The following MESD variants were observed in gnomAD, a reference collection of about 807,000 sequenced individuals.
MESD encodes LRP chaperone MESD.
Under a neutral mutation model 12.9 loss-of-function variants are expected in MESD, and 7 were observed. The ratio of observed to expected loss-of-function variants is 0.54; its 90% CI spans 0.31 to 1.02. MESD has a LOEUF of 1.02. MESD is among the 50% of genes least tolerant of loss of function. The probability of loss-of-function intolerance (pLI) is 0.05; values close to 1 mark genes in which losing one functional copy is unlikely to be tolerated. For synonymous variants in MESD, 126 were observed against 115.6 expected (o/e 1.09, Z -0.58); for missense variants, 342 against 296.7 (o/e 1.15, Z -1.12).
At chr15:80,982,239 G>A in intron 1 of MESD, 57 bp from the exon 2 acceptor site, 1 of 1,453,184 alleles carries the variant, frequency 6.9e-7, no homozygotes, top group Non-Finnish European at 9.6e-7. Flanking sequence ...TTTTCAACTG[G>A]CACAGGCAAA....
chr15:80,947,093 G>T (rs987676194), downstream of MESD: 3 of 1,464,156 alleles, frequency 2.0e-6, no homozygotes, highest in Non-Finnish European at 1.9e-6. Context: ...GGTTTAAACT[G>T]ACCCCAAAAC....
intron 1 of MESD, among the ~76,000 whole-genome samples, chr15:80,987,796 C>CTT (rs1374482879): frequency 1.3e-5 from 2 of 150,138 alleles, no homozygotes; most frequent in East Asian, 4.2e-4. Flanking sequence ...GCCAACCTGT[C>CTT]TTTTTACTAC....
chr15:80,963,731 CAT>C (rs1250591774), intron 3 of MESD, among the ~76,000 whole-genome samples: 3 of 152,156 alleles, frequency 2.0e-5, no homozygotes, highest in Admixed American at 6.5e-5. Context: ...ACAAAAACCA[CAT>C]GATTATCTCA....
In MESD at chr15:80,956,199, T is replaced by TAATAA. The variant is rs541746197; in HGVS notation, c.*289-3908_*289-3904dup. 1.4e-3 allele frequency among the ~76,000 whole-genome samples: 206 copies of TAATAA among 151,822 alleles called. 1 individual carries two copies. The highest frequency in any genetic ancestry group is 4.6e-3 in the African/African-American group (189 of 41,424). On this transcript the variant is annotated intron_variant, in intron 3 of 4. Transcript: ENST00000561312. ...AGTGAGATCCTGTCTAAAAAAATAA[T>TAATAA]AATAAAATAAAATAAAAAAGACCCT...
At chr15:80,961,740 AT>A (rs1403978312) in intron 3 of MESD, among the ~76,000 whole-genome samples, 1 of 152,240 alleles carries the variant, frequency 6.6e-6, no homozygotes, top group Non-Finnish European at 1.5e-5. Flanking sequence ...TTGGCTAAAT[AT>A]ACCATCACAA....
chr15:80,988,975 C>T (rs531956182), intron 1 of MESD, among the ~76,000 whole-genome samples: 1 of 152,336 alleles, frequency 6.6e-6, no homozygotes, highest in South Asian at 2.1e-4. Flanking sequence ...GAACAAAAAG[C>T]GTGAGTTTCA....
At chr15:80,969,112 GC>G (rs899378715) in intron 3 of MESD, among the ~76,000 whole-genome samples, 1 of 152,210 alleles carries the variant, frequency 6.6e-6, no homozygotes, top group African/African-American at 2.4e-5. Context: ...GACCACTTGA[GC>G]CTGGAGGTCG....
At chr15:80,946,994 G>C (rs552298321), downstream of MESD, 1 of 1,613,954 alleles carries the variant, frequency 6.2e-7, no homozygotes, top group African/African-American at 1.3e-5. Flanking sequence ...TCAAAGGGAA[G>C]ATACGTCTCC....
chr15:80,985,639 CTTTTTTTTT>C (rs11425497), intron 1 of MESD, among the ~76,000 whole-genome samples: 7 of 89,046 alleles, frequency 7.9e-5, no homozygotes, highest in Admixed American at 2.7e-4. Flanking sequence ...TCCCAAGCAG[CTTTTTTTTT>C]TTTTTTTTTT....
At chr15:80,951,411 CTTG>C (rs1260385858) in intron 4 of MESD, 1 of 152,544 alleles carries the variant, frequency 6.6e-6, no homozygotes, top group African/African-American at 2.4e-5. Context: ...AATTGTCCTC[CTTG>C]TTATTTCTGT....
downstream of MESD, among the ~76,000 whole-genome samples, chr15:80,973,976 C>T (rs759585127): frequency 2.6e-5 from 4 of 152,080 alleles, no homozygotes; most frequent in Non-Finnish European, 5.9e-5. Context: ...CAGCCTTTCC[C>T]TTCCTGAGGA....
chr15:80,975,998 ATTT>A lies in MESD; in HGVS notation c.*3218_*3220del, dbSNP rs1436019626. On this transcript the variant is annotated 3_prime_UTR_variant, in exon 3 of 3. Coordinates refer to ENST00000261758, the MANE Select transcript of MESD (RefSeq NM_015154.3). The stretch of plus-strand genomic sequence containing the variant: ...AAACAAATGACATTTCTCTTAAAAA[ATTT>A]TTGTTTCGTTTTTTTGAGACAGAGT... 3 of 152,140 alleles carry A rather than the reference ATTT, an allele frequency of 2.0e-5. No individual in the cohort carries two copies. Among genetic ancestry groups the A allele is most frequent in the Non-Finnish European group, 4.4e-5 (3 of 68,030 alleles). The allele number at this position is 152,140 out of a possible 1,614,324, so 9.4% of individuals were successfully genotyped here. A position where few individuals can be genotyped will look rare whatever the true frequency, so the allele number is the denominator to read the frequency against.
At chr15:80,948,929 A>G (rs370782965) in intron 4 of MESD, 1 of 1,614,128 alleles carries the variant, frequency 6.2e-7, no homozygotes, top group African/African-American at 1.3e-5. Flanking sequence ...TTGTGAGGAC[A>G]GCTGCCGCCC....
chr15:80,946,694 T>C (rs1596214928), downstream of MESD: 2 of 473,490 alleles, frequency 4.2e-6, no homozygotes, highest in East Asian at 4.1e-5. Flanking sequence ...GAGAGAGACA[T>C]GTAAACGCGG....
At chr15:80,969,013 A>G (rs1420862606) in intron 3 of MESD, among the ~76,000 whole-genome samples, 2 of 152,096 alleles carry the variant, frequency 1.3e-5, no homozygotes, top group African/African-American at 4.8e-5. Flanking sequence ...ACATAGGGAG[A>G]CCCTGTCTCT....
chr15:80,974,789 T>G (rs1044154853), downstream of MESD, among the ~76,000 whole-genome samples: 1 of 148,170 alleles, frequency 6.7e-6, no homozygotes, highest in Non-Finnish European at 1.5e-5. Context: ...CCTAGAAAAA[T>G]TACTAAATGT....
At chr15:80,974,926 C>CAGTCA (rs1369871530), downstream of MESD, among the ~76,000 whole-genome samples, 14 of 150,504 alleles carry the variant, frequency 9.3e-5, no homozygotes, top group Non-Finnish European at 1.5e-4. Flanking sequence ...TAAGAAAAAG[C>CAGTCA]AGTCATAAAG....
chr15:80,981,147 AT>A (rs1902564191), intron 2 of MESD, among the ~76,000 whole-genome samples: 1 of 151,794 alleles, frequency 6.6e-6, no homozygotes, highest in Non-Finnish European at 1.5e-5. Context: ...CATTAAAAAA[AT>A]CTAGATAGGC....
chr15:80,977,304 A>G lies in MESD; in HGVS notation c.*1915T>C, dbSNP rs1262205323. ...TCATACTTCTAACAGCTGCCATTTT[A>G]CTTTGTACATTACTGACATTTGTCT... On this transcript the variant is annotated 3_prime_UTR_variant, in exon 3 of 3. Coordinates refer to ENST00000261758, the MANE Select transcript of MESD (RefSeq NM_015154.3). 2 of 151,922 alleles carry G rather than the reference A, an allele frequency of 1.3e-5. No homozygotes were observed. Among genetic ancestry groups the G allele is most frequent in the Non-Finnish European group, 2.9e-5 (2 of 68,036 alleles). The allele number at this position is 151,922 out of a possible 1,614,324, so 9.4% of individuals were successfully genotyped here.
Sources: allele counts gnomAD v4.1 joint callset (sites outside exome capture counted in the v4.1 genomes callset), GRCh38; gene constraint gnomAD v4.1.1; transcripts MANE v1.5; gene names NCBI Gene and HGNC (gene_info 2026-07-23, HGNC 2026-07-21).